The following SCN8A variants were observed in gnomAD, a reference collection of about 807,000 sequenced individuals.
SCN8A encodes sodium channel protein type 8 subunit alpha.
SCN8A carries 30 observed loss-of-function variants against 184.1 expected under a neutral mutation model. The ratio of observed to expected loss-of-function variants is 0.16; its 90% CI spans 0.12 to 0.22. The LOEUF (loss-of-function observed/expected upper bound fraction) is 0.22. Ranked by LOEUF, SCN8A falls within the 10% of genes least tolerant of loss-of-function variation. The probability of loss-of-function intolerance (pLI) is 1.00; values close to 1 mark genes in which losing one functional copy is unlikely to be tolerated. For synonymous variants in SCN8A, 852 were observed against 907.0 expected, an observed-to-expected ratio of 0.94 and a Z score of 1.09; for missense variants, 1,057 against 2,498.9, an observed-to-expected ratio of 0.42 and a Z score of 12.30.
At chr12:51,733,591 G>T (rs1942278493) in intron 12 of SCN8A, among the ~76,000 whole-genome samples, 1 of 152,150 alleles carries the variant, frequency 6.6e-6, no homozygotes, top group South Asian at 2.1e-4. Flanking sequence ...CATAGAATGA[G>T]TTTGGAAGTT....
rs1267699117 is a variant in SCN8A, at chr12:51,809,676, TC to T, written c.*2248del. The T allele has an allele frequency of 6.6e-6, 1 of 152,204 alleles. No individual in the cohort carries two copies. The highest frequency in any genetic ancestry group is 2.1e-4 in the South Asian group (1 of 4,836). The allele number at this position is 152,204 out of a possible 1,614,324, so 9.4% of individuals were successfully genotyped here. ...AACAGAAGCTGACATGTGTGGTTAT[TC>T]TTTTTAAGAGAATTATAAATACTGT... is the stretch of plus-strand genomic sequence containing the variant. On this transcript the variant is annotated 3_prime_UTR_variant, in exon 27 of 27. Coordinates refer to ENST00000627620, the MANE Select transcript of SCN8A (RefSeq NM_001330260.2).
intron 12 of SCN8A, chr12:51,723,134 A>G (rs556076276): frequency 2.0e-5 from 3 of 152,240 alleles, no homozygotes; most frequent in Non-Finnish European, 4.4e-5. Flanking sequence ...ATAAAATATC[A>G]AAAGGCAATT....
Position 51,759,000 on chromosome 12 carries a change from G to GTGTGTA in SCN8A, c.2371-3502_2371-3501insGTGTAT, listed in dbSNP as rs1447697193. 4.8e-3 allele frequency among the ~76,000 whole-genome samples: 721 copies of GTGTGTA among 149,692 alleles called. 3 individuals are homozygous for GTGTGTA. Among genetic ancestry groups the GTGTGTA allele is most frequent in the African/African-American group, 0.017 (688 of 40,484 alleles). On this transcript the variant is annotated intron_variant, in intron 14 of 26. Transcript: ENST00000627620. The stretch of plus-strand genomic sequence containing the variant: ...TGTATGTATATGTGTGTGTGTGTGT[G>GTGTGTA]TATATATATATATACGTGTGTGTAT...
chr12:51,800,072 C>T (rs920332688), intron 26 of SCN8A, among the ~76,000 whole-genome samples: 15 of 152,166 alleles, frequency 9.9e-5, no homozygotes, highest in Admixed American at 6.5e-4. Flanking sequence ...AAGATCTCTG[C>T]GAGCAAGATT....
intron 1 of SCN8A, among the ~76,000 whole-genome samples, chr12:51,645,539 A>G (rs887284551): frequency 6.6e-6 from 1 of 152,130 alleles, no homozygotes; most frequent in African/African-American, 2.4e-5. Context: ...GAAAAGATTG[A>G]GAAATCGGAT....
At chr12:51,790,679 G>A (rs889689550) in intron 25 of SCN8A, among the ~76,000 whole-genome samples, 177 bp downstream of exon 25, 1 of 152,102 alleles carries the variant, frequency 6.6e-6, no homozygotes, top group African/African-American at 2.4e-5. Flanking sequence ...TTAAGGCATG[G>A]GGGCTTTTAC....
intron 1 of SCN8A, among the ~76,000 whole-genome samples, chr12:51,661,997 G>A (rs947354245): frequency 2.0e-5 from 3 of 152,168 alleles, no homozygotes; most frequent in Non-Finnish European, 4.4e-5. Context: ...CTCAGGAGTC[G>A]CACGCAGGCC....
At chr12:51,667,981 T>G (rs4237902) in intron 2 of SCN8A, among the ~76,000 whole-genome samples, 1 of 151,788 alleles carries the variant, frequency 6.6e-6, no homozygotes, top group Non-Finnish European at 1.5e-5. Context: ...GTCGGGAGTT[T>G]GAGACCAGCC....
At chr12:51,752,515 C>G (rs144440728) in intron 14 of SCN8A, among the ~76,000 whole-genome samples, 1 of 152,266 alleles carries the variant, frequency 6.6e-6, no homozygotes, top group Non-Finnish European at 1.5e-5. Context: ...TTCTCATTCT[C>G]AAAACACATG....
chr12:51,773,553 C>G (rs565968902), intron 19 of SCN8A, among the ~76,000 whole-genome samples: 2 of 152,300 alleles, frequency 1.3e-5, no homozygotes, highest in South Asian at 4.2e-4. Context: ...TCATATGCTT[C>G]TGGTAGGAAT....
chr12:51,723,547 A>C (rs371444587), intron 12 of SCN8A, among the ~76,000 whole-genome samples: 49 of 152,040 alleles, frequency 3.2e-4, no homozygotes, highest in Non-Finnish European at 6.5e-4. Flanking sequence ...ATAAGCTACA[A>C]ATTACTCTTA....
intron 2 of SCN8A, among the ~76,000 whole-genome samples, chr12:51,663,642 ACT>A (rs1039231974): frequency 1.3e-5 from 2 of 152,226 alleles, no homozygotes; most frequent in African/African-American, 4.8e-5. Context: ...TTCTTCCAGC[ACT>A]GATTCTTGCA....
chr12:51,767,755 G>C (rs529483251), intron 16 of SCN8A, among the ~76,000 whole-genome samples: 6 of 152,114 alleles, frequency 3.9e-5, no homozygotes, highest in Admixed American at 2.6e-4. Flanking sequence ...GCTAAGATTT[G>C]GGATTTCTGT....
chr12:51,803,273 C>T (rs146782193), intron 26 of SCN8A, among the ~76,000 whole-genome samples: 1,914 of 152,150 alleles, frequency 0.013, 33 homozygotes, highest in African/African-American at 0.041. Flanking sequence ...AAGCATCCAG[C>T]GCGGGAGGAG....
chr12:51,671,259 C>A (rs1941125369), intron 2 of SCN8A, among the ~76,000 whole-genome samples: 1 of 152,104 alleles, frequency 6.6e-6, no homozygotes, highest in East Asian at 1.9e-4. Flanking sequence ...TATTGGGGTG[C>A]TTACAAAGAA....
chr12:51,742,730 T>TCAAGTACAA (rs1942447154), intron 12 of SCN8A, among the ~76,000 whole-genome samples: 1 of 152,172 alleles, frequency 6.6e-6, no homozygotes, highest in East Asian at 1.9e-4. Context: ...ACTTGAATGT[T>TCAAGTACAA]GATATCTTTC....
At chr12:51,595,232 C>G (rs1344571125) in intron 1 of SCN8A, among the ~76,000 whole-genome samples, 1 of 152,178 alleles carries the variant, frequency 6.6e-6, no homozygotes, top group Non-Finnish European at 1.5e-5. Flanking sequence ...GGAAACAGAA[C>G]TCTTACCCTG....
chr12:51,697,678 G>A (rs1592386584), intron 6 of SCN8A, among the ~76,000 whole-genome samples: 1 of 152,094 alleles, frequency 6.6e-6, no homozygotes, highest in East Asian at 1.9e-4. Flanking sequence ...ACTTTACTAG[G>A]TATTTTATAT....
intron 1 of SCN8A, among the ~76,000 whole-genome samples, chr12:51,636,051 A>G (rs578091255): frequency 1.3e-3 from 195 of 152,184 alleles, no homozygotes; most frequent in East Asian, 5.8e-4. Flanking sequence ...CTGGAGTGCA[A>G]TGGCGCCATC....
Sources: allele counts gnomAD v4.1 joint callset (sites outside exome capture counted in the v4.1 genomes callset), GRCh38; gene constraint gnomAD v4.1.1; transcripts MANE v1.5; gene names NCBI Gene and HGNC (gene_info 2026-07-23, HGNC 2026-07-21).